The following SNX30 variants were observed in gnomAD, a reference collection of about 807,000 sequenced individuals.
SNX30 encodes the protein sorting nexin-30.
Under a neutral mutation model 46.4 loss-of-function variants are expected in SNX30, and 24 were observed. The observed-to-expected ratio is 0.52, with a 90% CI of 0.37 to 0.73. The LOEUF (loss-of-function observed/expected upper bound fraction) is 0.73, where lower values mean the gene tolerates loss of function less well. Ranked by LOEUF, SNX30 falls within the 30% of genes least tolerant of loss-of-function variation. SNX30 has a pLI of 0.00. For missense variants in SNX30, 533 were observed against 555.7 expected, an observed-to-expected ratio of 0.96 and a Z score of 0.41; for synonymous variants, 189 against 211.5, an observed-to-expected ratio of 0.89 and a Z score of 0.92.
chr9:112,750,337 T>A (rs1839243476), upstream of SNX30: 1 of 152,328 alleles, frequency 6.6e-6, no homozygotes, highest in Middle Eastern at 3.4e-3. Flanking sequence ...TCTTCCGATA[T>A]GGGTCGTAAT....
chr9:112,806,746 C>A (rs1840231412), intron 2 of SNX30, among the ~76,000 whole-genome samples: 1 of 152,110 alleles, frequency 6.6e-6, no homozygotes, highest in Admixed American at 6.5e-5. Flanking sequence ...TTACCTTGTC[C>A]TTCTTGCCAA....
intron 1 of SNX30, among the ~76,000 whole-genome samples, chr9:112,764,720 C>T (rs1278275379): frequency 6.6e-6 from 1 of 152,080 alleles, no homozygotes; most frequent in African/African-American, 2.4e-5. Context: ...GGCTTTGGCT[C>T]ACTGGATTCA....
At chr9:112,773,960 A>G (rs1330522317) in intron 1 of SNX30, among the ~76,000 whole-genome samples, 1 of 152,246 alleles carries the variant, frequency 6.6e-6, no homozygotes. Flanking sequence ...GCTGAAAAGA[A>G]AAGAGGAATC....
chr9:112,840,542 G>C (rs1202420615), intron 6 of SNX30, among the ~76,000 whole-genome samples: 1 of 152,218 alleles, frequency 6.6e-6, no homozygotes, highest in Non-Finnish European at 1.5e-5. Flanking sequence ...CTGGAGTGCA[G>C]TGGCACAATC....
intron 4 of SNX30, among the ~76,000 whole-genome samples, chr9:112,832,457 A>AGAGAGAGG (rs1840676611): frequency 8.9e-6 from 1 of 112,336 alleles, no homozygotes; most frequent in East Asian, 3.0e-4. Context: ...AGAGAGAGAG[A>AGAGAGAGG]GAGTGTGTGT....
At chr9:112,863,373 C>G (rs1331762739) in intron 7 of SNX30, among the ~76,000 whole-genome samples, 1 of 152,216 alleles carries the variant, frequency 6.6e-6, no homozygotes, top group Non-Finnish European at 1.5e-5. Context: ...GCCATCAGGG[C>G]TCAGTGAAGT....
chr9:112,752,345 G>A (rs1276703670), intron 1 of SNX30, among the ~76,000 whole-genome samples: 1 of 152,222 alleles, frequency 6.6e-6, no homozygotes, highest in Non-Finnish European at 1.5e-5. Context: ...GCCAGGTGCA[G>A]TGGCTCACAC....
In SNX30 at chr9:112,869,033, CTG is replaced by C; in HGVS notation, c.*193_*194del. 1 of 607,232 alleles carries C rather than the reference CTG, an allele frequency of 1.6e-6. No homozygotes were observed. The allele number at this position is 607,232 out of a possible 1,614,324, so 37.6% of individuals were successfully genotyped here. On this transcript the variant is annotated 3_prime_UTR_variant, in exon 9 of 9. Coordinates refer to ENST00000374232, the MANE Select transcript of SNX30 (RefSeq NM_001012994.2). ...ATTAGTATTTATTCCATGGTGGAGT[CTG>C]TGAGGCTAGAATATCTCTCAGCAAG...
intron 4 of SNX30, among the ~76,000 whole-genome samples, chr9:112,832,964 A>C (rs1048135229): frequency 1.3e-4 from 19 of 151,346 alleles, no homozygotes; most frequent in Admixed American, 1.3e-4. Context: ...AAACAGAACA[A>C]ATTTTAGCCC....
At chr9:112,864,054 C>G (rs1416094475) in intron 7 of SNX30, among the ~76,000 whole-genome samples, 193 bp from the exon 8 acceptor site, 1 of 152,166 alleles carries the variant, frequency 6.6e-6, no homozygotes, top group Non-Finnish European at 1.5e-5. Flanking sequence ...TTAGGAGAGC[C>G]CCTTTTCAGA....
intron 7 of SNX30, among the ~76,000 whole-genome samples, chr9:112,860,150 G>A (rs1193746135): frequency 2.0e-5 from 3 of 152,004 alleles, no homozygotes; most frequent in Non-Finnish European, 4.4e-5. Context: ...GTTTCACCGT[G>A]TTGGCCAGGG....
chr9:112,841,051 T>TGCA (rs1840849230), intron 6 of SNX30, among the ~76,000 whole-genome samples: 1 of 152,248 alleles, frequency 6.6e-6, no homozygotes, highest in South Asian at 2.1e-4. Flanking sequence ...CGTGAGCCAC[T>TGCA]GCACCTAGCC....
intron 6 of SNX30, among the ~76,000 whole-genome samples, chr9:112,846,974 C>G (rs1417812952): frequency 6.6e-6 from 1 of 152,228 alleles, no homozygotes; most frequent in African/African-American, 2.4e-5. Context: ...GTAGATGCCA[C>G]TGTGGTCTTT....
intron 1 of SNX30, among the ~76,000 whole-genome samples, chr9:112,771,569 G>T (rs982539377): frequency 1.3e-5 from 2 of 152,162 alleles, no homozygotes; most frequent in Non-Finnish European, 2.9e-5. Context: ...CCTTCTCCCA[G>T]CCTTCAAGAG....
chr9:112,830,605 C>A, intron 3 of SNX30, 120 bp from the exon 4 acceptor site: 1 of 851,830 alleles, frequency 1.2e-6, no homozygotes, highest in Admixed American at 3.0e-5. Flanking sequence ...ACATGAAGAT[C>A]TGCCTGATTA....
Position 112,869,014 on chromosome 9 carries a change from AT to A in SNX30, c.*174del. 1 of 646,360 alleles carries A rather than the reference AT, an allele frequency of 1.5e-6. No individual in the cohort carries two copies. The allele number at this position is 646,360 out of a possible 1,614,324, so 40.0% of individuals were successfully genotyped here. ...CACCCCACAGTGGTTTTCAATTAGTATTTATTCCATGGTGGAGTCTGTGAGG... is the reference window on the plus strand; with the variant it reads ...CACCCCACAGTGGTTTTCAATTAGTATTATTCCATGGTGGAGTCTGTGAGG... On this transcript the variant is annotated 3_prime_UTR_variant, in exon 9 of 9. Transcript: ENST00000374232.
chr9:112,847,689 T>G (rs373480563), intron 6 of SNX30, among the ~76,000 whole-genome samples: 21 of 152,344 alleles, frequency 1.4e-4, no homozygotes. Flanking sequence ...AAAAGAGAGA[T>G]AGTAAAGTTC....
chr9:112,805,893 T>C (rs1840217785), intron 2 of SNX30, among the ~76,000 whole-genome samples: 1 of 152,264 alleles, frequency 6.6e-6, no homozygotes, highest in South Asian at 2.1e-4. Flanking sequence ...CTAATTTGAA[T>C]TTGTAGGACT....
intron 7 of SNX30, among the ~76,000 whole-genome samples, chr9:112,852,397 G>A (rs1332963544): frequency 6.6e-6 from 1 of 152,176 alleles, no homozygotes; most frequent in Non-Finnish European, 1.5e-5. Flanking sequence ...ACAGGAGGCT[G>A]TGCATCAGTT....
Sources: gnomAD v4.1 joint callset for allele counts (sites outside exome capture counted in the v4.1 genomes callset) on GRCh38, gnomAD v4.1.1 for gene constraint, MANE v1.5 for transcripts, NCBI Gene and HGNC (gene_info 2026-07-23, HGNC 2026-07-21) for gene names.